ASH1L: variants seen among roughly 807,000 people sequenced by gnomAD.
ASH1L encodes ASH1 like histone lysine methyltransferase.
ASH1L carries 23 observed loss-of-function variants against 269.0 expected under a neutral mutation model. That is an observed-to-expected ratio of 0.09 (90% CI 0.06 to 0.12). ASH1L has a LOEUF of 0.12. ASH1L is among the 10% of genes least tolerant of loss of function. ASH1L has a pLI of 1.00. For missense variants in ASH1L, 2,912 were observed against 3,567.8 expected, an observed-to-expected ratio of 0.82 and a Z score of 4.68; for synonymous variants, 1,187 against 1,253.5, an observed-to-expected ratio of 0.95 and a Z score of 1.12.
chr1:155,559,001 G>A (rs138411247), intron 1 of ASH1L, among the ~76,000 whole-genome samples: 9 of 150,518 alleles, frequency 6.0e-5, no homozygotes, highest in Non-Finnish European at 1.0e-4. Context: ...CACACACCAT[G>A]CCTGGCTAAT....
At chr1:155,489,795 A>AAAATAAATGAATAAAT (rs1553267667) in intron 2 of ASH1L, among the ~76,000 whole-genome samples, 1 of 141,498 alleles carries the variant, frequency 7.1e-6, no homozygotes, top group Non-Finnish European at 1.5e-5. Flanking sequence ...ACACTGTCTC[A>AAAATAAATGAATAAAT]AAATAAATAA....
At chr1:155,449,744 C>T (rs1663334740) in intron 4 of ASH1L, among the ~76,000 whole-genome samples, 1 of 152,084 alleles carries the variant, frequency 6.6e-6, no homozygotes, top group African/African-American at 2.4e-5. Context: ...TGATCTCGAT[C>T]TCCTGACCTC....
At chr1:155,518,860 A>G (rs1668676310) in intron 2 of ASH1L, among the ~76,000 whole-genome samples, 1 of 151,748 alleles carries the variant, frequency 6.6e-6, no homozygotes, top group Admixed American at 6.6e-5. Context: ...GAGGGAGGGA[A>G]GAAAAATTAA....
chr1:155,365,260 C>T (rs1477540950), intron 12 of ASH1L, among the ~76,000 whole-genome samples: 1 of 151,918 alleles, frequency 6.6e-6, no homozygotes, highest in Non-Finnish European at 1.5e-5. Flanking sequence ...GGCTGGAGTG[C>T]AGTGGCACAA....
chr1:155,518,751 A>AGGGAAGAG (rs1438182253), intron 2 of ASH1L, among the ~76,000 whole-genome samples: 1 of 140,694 alleles, frequency 7.1e-6, no homozygotes, highest in African/African-American at 2.7e-5. Flanking sequence ...AAGGAAGGGG[A>AGGGAAGAG]GGGAAGAGAG....
intron 1 of ASH1L, among the ~76,000 whole-genome samples, chr1:155,530,300 T>C (rs1040276708): frequency 9.9e-5 from 15 of 152,212 alleles, no homozygotes; most frequent in African/African-American, 3.4e-4. Context: ...TACCAGGAAA[T>C]AGACTTATCA....
chr1:155,466,293 G>A (rs763450030), intron 3 of ASH1L, among the ~76,000 whole-genome samples: 1 of 152,142 alleles, frequency 6.6e-6, no homozygotes, highest in Non-Finnish European at 1.5e-5. Flanking sequence ...GGCAGAGCTT[G>A]CAGTAAGCCA....
At chr1:155,555,969 T>C (rs1194125983) in intron 1 of ASH1L, among the ~76,000 whole-genome samples, 2 of 152,228 alleles carry the variant, frequency 1.3e-5, no homozygotes, top group Non-Finnish European at 2.9e-5. Flanking sequence ...GGACAGGGGC[T>C]GGTAGATGTG....
At chr1:155,372,301 T>C (rs1301282173) in intron 10 of ASH1L, among the ~76,000 whole-genome samples, 1 of 150,926 alleles carries the variant, frequency 6.6e-6, no homozygotes, top group Non-Finnish European at 1.5e-5. Context: ...CAGTTTTTTT[T>C]TTTTTTAATT....
chr1:155,533,300 C>T (rs1669814283), intron 1 of ASH1L, among the ~76,000 whole-genome samples: 1 of 150,596 alleles, frequency 6.6e-6, no homozygotes, highest in African/African-American at 2.4e-5. Context: ...TCACAATCAG[C>T]ATGCGGTAGT....
At position 155,338,081 on chromosome 1, in the gene ASH1L, C is replaced by T. The variant is rs568089323; in HGVS notation, c.8803+8G>A. The T allele has an allele frequency of 3.1e-6, 5 of 1,611,586 alleles. No individual in the cohort carries two copies. In the South Asian group the frequency reaches 5.5e-5, roughly 18 times the overall value. ...TTAAACCCTAGATATGAACCTGATTCTTCTTACCATTTTTTCCAGGGATTT... is the reference window on the plus strand; with the variant it reads ...TTAAACCCTAGATATGAACCTGATTTTTCTTACCATTTTTTCCAGGGATTT... On this transcript the variant is annotated splice_region_variant and intron_variant, in intron 27 of 27. Transcript: ENST00000392403.
chr1:155,366,940 T>C (rs1471016663), intron 12 of ASH1L, among the ~76,000 whole-genome samples: 1 of 150,694 alleles, frequency 6.6e-6, no homozygotes, highest in African/African-American at 2.4e-5. Flanking sequence ...CCTCTGAAAG[T>C]GCTGAGATTA....
chr1:155,417,262 T>C (rs1660294445), intron 5 of ASH1L, among the ~76,000 whole-genome samples: 1 of 151,760 alleles, frequency 6.6e-6, no homozygotes, highest in Admixed American at 6.6e-5. Flanking sequence ...AGAATGACTG[T>C]GGTGCAGAAG....
chr1:155,341,280 T>C (rs1446000195), intron 25 of ASH1L, among the ~76,000 whole-genome samples: 4 of 151,064 alleles, frequency 2.6e-5, no homozygotes, highest in Non-Finnish European at 5.9e-5. Context: ...GGGTTCACGC[T>C]ATTCTCCTGC....
chr1:155,388,263 C>T (rs991635827), intron 7 of ASH1L, among the ~76,000 whole-genome samples: 1 of 152,100 alleles, frequency 6.6e-6, no homozygotes, highest in Admixed American at 6.6e-5. Flanking sequence ...TGCCACTCAC[C>T]AATGACAACT....
At chr1:155,431,410 C>A (rs1410238309) in intron 5 of ASH1L, among the ~76,000 whole-genome samples, 1 of 151,992 alleles carries the variant, frequency 6.6e-6, no homozygotes, top group Non-Finnish European at 1.5e-5. Flanking sequence ...CCACCTCAGC[C>A]TCCCAAGTAG....
chr1:155,337,636 C>A lies in ASH1L; in HGVS notation c.*24G>T, dbSNP rs761619556. 2 of 1,600,760 alleles carry A rather than the reference C, an allele frequency of 1.2e-6. No individual in the cohort carries two copies. Among genetic ancestry groups the A allele is most frequent in the South Asian group, 1.1e-5 (1 of 90,768 alleles). On this transcript the variant is annotated 3_prime_UTR_variant, in exon 28 of 28. Coordinates refer to ENST00000392403, the MANE Select transcript of ASH1L (RefSeq NM_018489.3). ...GATTAGCTCCACTGGATCCCAGATG[C>A]TTGAGGTTCTCATTCTTTGAGGGTC...
chr1:155,465,393 A>G (rs562542994), intron 3 of ASH1L, among the ~76,000 whole-genome samples: 12 of 152,172 alleles, frequency 7.9e-5, no homozygotes, highest in Non-Finnish European at 1.8e-4. Flanking sequence ...TTATAACTTA[A>G]TATAGTATGA....
chr1:155,411,582 A>ATATATATATATATATATATAT (rs1659775685), intron 6 of ASH1L, among the ~76,000 whole-genome samples: 8 of 48,406 alleles, frequency 1.7e-4, no homozygotes, highest in East Asian at 1.6e-3. Context: ...TAAATAAATA[A>ATATATATATATATATATATAT]ATAAATATAT....
Sources: gnomAD v4.1 joint callset for allele counts (sites outside exome capture counted in the v4.1 genomes callset) on GRCh38, gnomAD v4.1.1 for gene constraint, MANE v1.5 for transcripts, NCBI Gene and HGNC (gene_info 2026-07-23, HGNC 2026-07-21) for gene names.